PTPRK: variants seen among roughly 807,000 people sequenced by gnomAD.
PTPRK encodes receptor-type tyrosine-protein phosphatase kappa.
In PTPRK, 75 loss-of-function variants were observed where a neutral mutation model predicts 178.0. The ratio of observed to expected loss-of-function variants is 0.42; its 90% CI spans 0.35 to 0.51. The LOEUF (loss-of-function observed/expected upper bound fraction) is 0.51. Among genes scored for constraint, PTPRK ranks in the 20% least tolerant of loss-of-function variants. The probability of loss-of-function intolerance (pLI) is 0.02; values close to 1 mark genes in which losing one functional copy is unlikely to be tolerated. For missense variants in PTPRK, 1,441 were observed against 1,797.8 expected (o/e 0.80, Z 3.59); for synonymous variants, 637 against 620.6 (o/e 1.03, Z -0.39).
At chr6:128,433,414 G>A (rs149625709) in intron 1 of PTPRK, among the ~76,000 whole-genome samples, 1 of 152,112 alleles carries the variant, frequency 6.6e-6, no homozygotes, top group African/African-American at 2.4e-5. Context: ...ACTTACCATA[G>A]TGAACTCCAC....
At chr6:128,480,685 C>G (rs1325779855) in intron 1 of PTPRK, among the ~76,000 whole-genome samples, 4 of 152,094 alleles carry the variant, frequency 2.6e-5, no homozygotes, top group African/African-American at 9.7e-5. Flanking sequence ...AGCTAAGGCT[C>G]AAAAAGGTGA....
chr6:128,200,741 G>C (rs1157790206), intron 6 of PTPRK, among the ~76,000 whole-genome samples: 3 of 149,470 alleles, frequency 2.0e-5, no homozygotes, highest in Non-Finnish European at 4.4e-5. Context: ...GTTTTCTAAT[G>C]CTATTTTATC....
intron 21 of PTPRK, among the ~76,000 whole-genome samples, chr6:127,987,675 TAC>T (rs1325732942): frequency 6.6e-6 from 1 of 152,150 alleles, no homozygotes; most frequent in African/African-American, 2.4e-5. Context: ...TTCTAGTAGT[TAC>T]ACAGTTTATT....
At position 128,432,264 on chromosome 6, in the gene PTPRK, A is replaced by G. The variant is rs142268369; in HGVS notation, c.101-34576T>C. ...AATATTTGGATATACTTTAAATAGG[A>G]TTCCATTTTTAAGTTAAAAAACCTG... On this transcript the variant is annotated intron_variant, in intron 1 of 29. Transcript: ENST00000368226. Among the ~76,000 whole-genome samples the G allele has an allele frequency of 7.2e-5, 11 of 152,232 alleles. No homozygotes were observed. In the East Asian group the frequency reaches 2.1e-3, roughly 29 times the overall value.
At chr6:128,446,482 C>T (rs567167503) in intron 1 of PTPRK, among the ~76,000 whole-genome samples, 12 of 152,282 alleles carry the variant, frequency 7.9e-5, no homozygotes, top group African/African-American at 2.2e-4. Flanking sequence ...ATAATTGATA[C>T]GGCATGCTAT....
At chr6:128,113,780 T>C (rs1228464235) in intron 7 of PTPRK, among the ~76,000 whole-genome samples, 2 of 152,086 alleles carry the variant, frequency 1.3e-5, no homozygotes, top group East Asian at 3.9e-4. Flanking sequence ...TGCTTCTGTG[T>C]ACTTAAAAAA....
chr6:128,174,303 A>C (rs966386716), intron 7 of PTPRK, among the ~76,000 whole-genome samples: 33 of 151,998 alleles, frequency 2.2e-4, no homozygotes, highest in African/African-American at 6.0e-4. Context: ...GCTATCCAGA[A>C]AGAAGAAGGA....
intron 7 of PTPRK, among the ~76,000 whole-genome samples, chr6:128,183,563 ACTGAATGGGTTTTGCTTGGAT>A (rs145532631): frequency 0.044 from 6,696 of 152,232 alleles, 509 homozygotes; most frequent in African/African-American, 0.15. Context: ...ACATCAGGTA[ACTGAATGGGTTTTGCTTGGAT>A]GGTAGCTCAG....
chr6:128,310,376 A>G (rs1158929480), intron 3 of PTPRK, among the ~76,000 whole-genome samples: 1 of 152,214 alleles, frequency 6.6e-6, no homozygotes, highest in Non-Finnish European at 1.5e-5. Flanking sequence ...TTCAGTTAGC[A>G]TAGTGATAAC....
At chr6:128,343,697 A>T (rs1267007380) in intron 2 of PTPRK, among the ~76,000 whole-genome samples, 1 of 152,212 alleles carries the variant, frequency 6.6e-6, no homozygotes, top group Admixed American at 6.5e-5. Context: ...CAAATGAGGA[A>T]TTTAAATAGA....
chr6:128,178,025 G>T (rs538820167), intron 7 of PTPRK, among the ~76,000 whole-genome samples: 1 of 151,758 alleles, frequency 6.6e-6, no homozygotes, highest in Non-Finnish European at 1.5e-5. Flanking sequence ...CCATCCTTAT[G>T]GTGACTACTG....
intron 1 of PTPRK, among the ~76,000 whole-genome samples, chr6:128,493,510 C>T (rs1262912122): frequency 6.7e-6 from 1 of 150,062 alleles, no homozygotes; most frequent in African/African-American, 2.5e-5. Context: ...TGCAGTGAGC[C>T]GAGATCGTGC....
chr6:128,078,422 T>C (rs1311649025), intron 11 of PTPRK, among the ~76,000 whole-genome samples: 1 of 152,010 alleles, frequency 6.6e-6, no homozygotes. Context: ...TCCTTTTTCT[T>C]TAACTCTTAC....
chr6:128,434,886 T>C (rs1344177107), intron 1 of PTPRK, among the ~76,000 whole-genome samples: 1 of 151,412 alleles, frequency 6.6e-6, no homozygotes, highest in African/African-American at 2.4e-5. Flanking sequence ...AAGTTGAGCA[T>C]GGTGGTACAC....
chr6:128,362,999 A>G (rs1349965788), intron 2 of PTPRK, among the ~76,000 whole-genome samples: 1 of 152,194 alleles, frequency 6.6e-6, no homozygotes, highest in East Asian at 1.9e-4. Context: ...AAGCCACGGT[A>G]GGAAGAAAAA....
chr6:128,435,409 G>A (rs1377268112), intron 1 of PTPRK, among the ~76,000 whole-genome samples: 2 of 152,014 alleles, frequency 1.3e-5, no homozygotes, highest in Admixed American at 1.3e-4. Context: ...TTTTGAGGAT[G>A]ACATAAATAA....
intron 7 of PTPRK, among the ~76,000 whole-genome samples, chr6:128,162,863 G>A (rs1027154752): frequency 6.6e-6 from 1 of 151,404 alleles, no homozygotes; most frequent in African/African-American, 2.4e-5. Context: ...AATTCTAGGT[G>A]CTACTTATTT....
intron 1 of PTPRK, among the ~76,000 whole-genome samples, chr6:128,449,128 G>A (rs1276370894): frequency 6.6e-6 from 1 of 152,078 alleles, no homozygotes; most frequent in African/African-American, 2.4e-5. Context: ...CCAAAGTGCT[G>A]GGATTACAGG....
chr6:128,083,328 A>G (rs1375210809), intron 9 of PTPRK, among the ~76,000 whole-genome samples: 1 of 152,050 alleles, frequency 6.6e-6, no homozygotes, highest in East Asian at 1.9e-4. Flanking sequence ...TTACTCTGAA[A>G]CAACTGAAAT....
Sources: gnomAD v4.1 joint callset for allele counts (sites outside exome capture counted in the v4.1 genomes callset) on GRCh38, gnomAD v4.1.1 for gene constraint, MANE v1.5 for transcripts, NCBI Gene and HGNC (gene_info 2026-07-23, HGNC 2026-07-21) for gene names.